GPC5: variants seen among roughly 807,000 people sequenced by gnomAD.
GPC5 encodes glypican 5, also known as glypican-5.
A neutral mutation model predicts 53.9 loss-of-function variants in GPC5; 47 were observed. The observed-to-expected ratio is 0.87, with a 90% CI of 0.69 to 1.11. The LOEUF is 1.11. Among genes scored for constraint, GPC5 ranks in the 50% most tolerant of loss-of-function variants. The pLI is 0.00. For missense variants in GPC5, 748 were observed against 713.1 expected (o/e 1.05, Z -0.56); for synonymous variants, 286 against 263.3 (o/e 1.09, Z -0.84).
chr13:92,208,769 A>G (rs1333966025), intron 7 of GPC5, among the ~76,000 whole-genome samples: 1 of 152,224 alleles, frequency 6.6e-6, no homozygotes, highest in Non-Finnish European at 1.5e-5. Flanking sequence ...GAATTCACAT[A>G]TCTTTTTCAA....
intron 2 of GPC5, among the ~76,000 whole-genome samples, chr13:91,537,463 C>T (rs1886644083): frequency 6.6e-6 from 1 of 152,200 alleles, no homozygotes; most frequent in Non-Finnish European, 1.5e-5. Flanking sequence ...ATGCAAGCTA[C>T]CAAAATTTAG....
intron 7 of GPC5, among the ~76,000 whole-genome samples, chr13:92,409,892 G>T (rs2139347739): frequency 6.6e-6 from 1 of 152,256 alleles, no homozygotes; most frequent in Non-Finnish European, 1.5e-5. Context: ...CAACTGTCAA[G>T]ATACGACTTT....
intron 7 of GPC5, among the ~76,000 whole-genome samples, chr13:92,283,307 C>T (rs183434029): frequency 3.9e-5 from 6 of 152,160 alleles, no homozygotes; most frequent in African/African-American, 1.4e-4. Context: ...ACTTTAACAC[C>T]CCACTGTCAA....
At chr13:91,536,985 A>G (rs960439032) in intron 2 of GPC5, among the ~76,000 whole-genome samples, 1 of 152,224 alleles carries the variant, frequency 6.6e-6, no homozygotes, top group Non-Finnish European at 1.5e-5. Flanking sequence ...GAATTTAGAA[A>G]ATATTTTGCG....
At chr13:92,245,951 C>T (rs1438993593) in intron 7 of GPC5, among the ~76,000 whole-genome samples, 1 of 151,572 alleles carries the variant, frequency 6.6e-6, no homozygotes, top group Non-Finnish European at 1.5e-5. Context: ...AGGGTGGGCC[C>T]TATATTATTC....
intron 7 of GPC5, among the ~76,000 whole-genome samples, chr13:92,310,294 A>G (rs1396282299): frequency 2.0e-5 from 3 of 152,116 alleles, no homozygotes; most frequent in African/African-American, 4.8e-5. Context: ...ATTTTCACAC[A>G]TATGTTTGAG....
intron 7 of GPC5, among the ~76,000 whole-genome samples, chr13:92,768,137 T>C (rs1875475637): frequency 6.6e-6 from 1 of 152,208 alleles, no homozygotes; most frequent in Non-Finnish European, 1.5e-5. Flanking sequence ...GTATTTCTTT[T>C]CTGTTTTCTA....
intron 7 of GPC5, among the ~76,000 whole-genome samples, chr13:92,433,410 C>G (rs1877177533): frequency 1.3e-5 from 2 of 152,098 alleles, no homozygotes; most frequent in Admixed American, 1.3e-4. Context: ...GTTGAAGGTT[C>G]TAATGAGATG....
intron 5 of GPC5, among the ~76,000 whole-genome samples, chr13:91,836,211 T>G (rs1419074148): frequency 2.6e-5 from 4 of 151,828 alleles, no homozygotes; most frequent in African/African-American, 9.7e-5. Flanking sequence ...ATATAGGAGG[T>G]TGATATAAAT....
At chr13:91,520,640 A>G (rs992931132) in intron 2 of GPC5, among the ~76,000 whole-genome samples, 1 of 151,844 alleles carries the variant, frequency 6.6e-6, no homozygotes, top group African/African-American at 2.4e-5. Flanking sequence ...CCTTAAATCT[A>G]TTTCCATATA....
chr13:91,593,974 G>T (rs978733965), intron 2 of GPC5, among the ~76,000 whole-genome samples: 29 of 149,510 alleles, frequency 1.9e-4, no homozygotes, highest in Non-Finnish European at 2.7e-4. Flanking sequence ...CTTTATTTTT[G>T]AACAAGTTCT....
At chr13:91,413,772 CCTT>C in intron 1 of GPC5, among the ~76,000 whole-genome samples, 1 of 152,182 alleles carries the variant, frequency 6.6e-6, no homozygotes, top group South Asian at 2.1e-4. Flanking sequence ...TGATCTGGCC[CCTT>C]CTTTTTTAAC....
intron 5 of GPC5, among the ~76,000 whole-genome samples, chr13:91,832,772 T>C (rs1218892495): frequency 6.6e-6 from 1 of 152,084 alleles, no homozygotes; most frequent in Non-Finnish European, 1.5e-5. Context: ...TAGCACTAAA[T>C]GCCCACAAGA....
chr13:91,907,503 T>A (rs61966378), intron 5 of GPC5, among the ~76,000 whole-genome samples: 63 of 129,540 alleles, frequency 4.9e-4, no homozygotes, highest in Admixed American at 1.3e-3. Flanking sequence ...CTCTCTCTCT[T>A]TATATATATA....
chr13:91,947,673 A>C (rs1398506572), intron 6 of GPC5, among the ~76,000 whole-genome samples: 1 of 152,252 alleles, frequency 6.6e-6, no homozygotes, highest in Non-Finnish European at 1.5e-5. Context: ...CATAGAAGAC[A>C]CATTCAGTCT....
rs1432128244 is a variant in GPC5, at chr13:91,693,788, A to G, written c.927A>G (p.Thr309=). Residue 309 remains threonine (T), a synonymous_variant, in exon 3 of 8, where the codon ACA becomes ACG. Coordinates refer to ENST00000377067, the MANE Select transcript of GPC5 (RefSeq NM_004466.6). Reference sequence around the variant, plus strand: ...AACTCTCGGATGCAATGCATGGAACATACGACATTGGACACGTGCTGCTGA... The same window carrying G: ...AACTCTCGGATGCAATGCATGGAACGTACGACATTGGACACGTGCTGCTGA... The part of the protein sequence containing the change: ...LEELSDAMHG[T]YDIGHVLLNF... 6.2e-7 allele frequency: 1 copy of G among 1,614,096 alleles called. No homozygotes were observed. Among genetic ancestry groups the G allele is most frequent in the Admixed American group, 1.7e-5 (1 of 60,022 alleles).
intron 6 of GPC5, among the ~76,000 whole-genome samples, chr13:92,092,280 T>G (rs1325462631): frequency 2.6e-5 from 4 of 152,200 alleles, no homozygotes; most frequent in African/African-American, 9.6e-5. Flanking sequence ...CATTACATAG[T>G]GACACACTCC....
chr13:92,012,729 T>C (rs1392779007), intron 6 of GPC5, among the ~76,000 whole-genome samples: 1 of 152,256 alleles, frequency 6.6e-6, no homozygotes, highest in Non-Finnish European at 1.5e-5. Context: ...CATATGTTTC[T>C]ACATAAATGC....
chr13:91,984,187 T>C (rs1320055604), intron 6 of GPC5, among the ~76,000 whole-genome samples: 1 of 152,202 alleles, frequency 6.6e-6, no homozygotes, highest in African/African-American at 2.4e-5. Flanking sequence ...AAGTGATGGT[T>C]GCATTTTGTT....
Sources: gnomAD v4.1 joint callset for allele counts (sites outside exome capture counted in the v4.1 genomes callset) on GRCh38, gnomAD v4.1.1 for gene constraint, MANE v1.5 for transcripts, NCBI Gene and HGNC (gene_info 2026-07-23, HGNC 2026-07-21) for gene names.